The following HMBOX1 variants were observed in gnomAD, a reference collection of about 807,000 sequenced individuals.
HMBOX1 encodes the protein homeobox containing 1, also known as homeobox-containing protein 1.
A neutral mutation model predicts 54.5 loss-of-function variants in HMBOX1; 14 were observed. The ratio of observed to expected loss-of-function variants is 0.26; its 90% CI spans 0.17 to 0.40. HMBOX1 has a LOEUF of 0.40. Among genes scored for constraint, HMBOX1 ranks in the 10% least tolerant of loss-of-function variants. The pLI, the probability that HMBOX1 is intolerant of heterozygous loss-of-function variation, is 1.00. For missense variants in HMBOX1, 332 were observed against 514.4 expected (o/e 0.65, Z 3.43); for synonymous variants, 160 against 181.0 (o/e 0.88, Z 0.93).
intron 6 of HMBOX1, among the ~76,000 whole-genome samples, chr8:29,032,447 G>GA (rs797012206): frequency 2.5e-4 from 36 of 142,486 alleles, no homozygotes; most frequent in South Asian, 6.5e-4. Flanking sequence ...TTTTCAATTA[G>GA]AAAAAAAAAA....
At chr8:29,047,291 C>A in intron 7 of HMBOX1, 67 bp from the exon 8 acceptor site, 1 of 894,186 alleles carries the variant, frequency 1.1e-6, no homozygotes. Context: ...AAATATTAGC[C>A]CTTAAAACTA....
chr8:28,938,802 C>T (rs771546560), intron 1 of HMBOX1, among the ~76,000 whole-genome samples: 16 of 151,656 alleles, frequency 1.1e-4, no homozygotes, highest in Admixed American at 6.6e-5. Context: ...CTTTTTCTAT[C>T]TGTGGAAATT....
intron 4 of HMBOX1, among the ~76,000 whole-genome samples, chr8:28,994,878 A>C (rs2132647215): frequency 6.6e-6 from 1 of 152,348 alleles, no homozygotes; most frequent in African/African-American, 2.4e-5. Flanking sequence ...TAGAATATTA[A>C]ATAAGAACAA....
At chr8:28,923,906 A>G (rs142623612) in intron 1 of HMBOX1, among the ~76,000 whole-genome samples, 36 of 152,050 alleles carry the variant, frequency 2.4e-4, no homozygotes, top group African/African-American at 8.7e-4. Flanking sequence ...TCATTTATAT[A>G]TCTTCTTTGG....
intron 6 of HMBOX1, among the ~76,000 whole-genome samples, chr8:29,019,306 A>G (rs1217963641): frequency 6.6e-6 from 1 of 152,164 alleles, no homozygotes; most frequent in Non-Finnish European, 1.5e-5. Context: ...GTATGGTCTA[A>G]GTAAGCTTTG....
chr8:29,023,372 A>G (rs1334678485), intron 6 of HMBOX1, among the ~76,000 whole-genome samples: 1 of 152,148 alleles, frequency 6.6e-6, no homozygotes, highest in African/African-American at 2.4e-5. Context: ...TTATGCAACC[A>G]TAACCTCAGT....
intron 6 of HMBOX1, among the ~76,000 whole-genome samples, chr8:29,021,859 C>CAAA (rs36163977): frequency 2.4e-4 from 25 of 103,030 alleles, no homozygotes; most frequent in African/African-American, 6.6e-4. Context: ...GACTCCGTCT[C>CAAA]AAAAAAAAAA....
At chr8:28,919,163 C>A (rs764111717) in intron 1 of HMBOX1, among the ~76,000 whole-genome samples, 3 of 152,056 alleles carry the variant, frequency 2.0e-5, no homozygotes, top group Non-Finnish European at 4.4e-5. Context: ...TTGACTGTGC[C>A]TTTGTTTGTG....
At position 29,011,064 on chromosome 8, in the gene HMBOX1, G is replaced by A. The variant is rs1471472356; in HGVS notation, c.697+1882G>A. 2.6e-5 allele frequency among the ~76,000 whole-genome samples: 4 copies of A among 152,290 alleles called. No homozygotes were observed. In the South Asian group the frequency reaches 6.2e-4, roughly 24 times the overall value. ...CTTCATAGATTATTTAGGGAGGCAC[G>A]TACTAATGGCAGCAATTTATTTTGA... On this transcript the variant is annotated intron_variant, in intron 5 of 9. Transcript: ENST00000287701.
chr8:28,994,701 A>G lies in HMBOX1; in HGVS notation c.587-14371A>G, dbSNP rs192605977. 2.5e-3 allele frequency among the ~76,000 whole-genome samples: 374 copies of G among 152,328 alleles called. 1 individual carries two copies. The highest frequency in any genetic ancestry group is 7.5e-3 in the African/African-American group (310 of 41,578). On this transcript the variant is annotated intron_variant, in intron 4 of 9. Coordinates refer to ENST00000287701, the MANE Select transcript of HMBOX1 (RefSeq NM_001135726.3). ...CACATTGACAGGTATTTGTAGCATTATAGAGCAAAAGATTGGTATCTATGA... is the reference window on the plus strand; with the variant it reads ...CACATTGACAGGTATTTGTAGCATTGTAGAGCAAAAGATTGGTATCTATGA...
intron 5 of HMBOX1, among the ~76,000 whole-genome samples, chr8:29,013,488 T>A (rs970319652): frequency 6.6e-6 from 1 of 152,164 alleles, no homozygotes; most frequent in African/African-American, 2.4e-5. Flanking sequence ...TGGCTTTTGG[T>A]TTTTTGTAAG....
chr8:28,966,355 T>TA (rs1826439724), intron 2 of HMBOX1, among the ~76,000 whole-genome samples: 1 of 152,240 alleles, frequency 6.6e-6, no homozygotes, highest in African/African-American at 2.4e-5. Flanking sequence ...TGTCTGTTAT[T>TA]ACAGTGGTGA....
chr8:28,915,574 A>AAG (rs1274616411), intron 1 of HMBOX1: 7 of 149,334 alleles, frequency 4.7e-5, no homozygotes, highest in African/African-American at 1.7e-4. Context: ...AAAAAAAAAA[A>AAG]AAAAAGAGAC....
intron 4 of HMBOX1, among the ~76,000 whole-genome samples, chr8:28,998,943 T>C (rs1297315216): frequency 6.6e-6 from 1 of 152,154 alleles, no homozygotes; most frequent in Non-Finnish European, 1.5e-5. Flanking sequence ...TACATTTATA[T>C]ATTGTGTGCC....
At chr8:29,036,543 T>A (rs538444883) in intron 6 of HMBOX1, among the ~76,000 whole-genome samples, 1 of 152,208 alleles carries the variant, frequency 6.6e-6, no homozygotes, top group Non-Finnish European at 1.5e-5. Flanking sequence ...TAGATTTCCT[T>A]TCCCAAAGAG....
intron 3 of HMBOX1, 49 bp from the exon 4 acceptor site, chr8:28,980,022 A>G: frequency 7.4e-7 from 1 of 1,354,192 alleles, no homozygotes; most frequent in East Asian, 2.3e-5. Context: ...AAAGATGAGG[A>G]TTTCTACCTT....
At chr8:28,893,288 T>C (rs1258845508) in intron 1 of HMBOX1, among the ~76,000 whole-genome samples, 2 of 152,196 alleles carry the variant, frequency 1.3e-5, no homozygotes, top group Non-Finnish European at 2.9e-5. Context: ...ATTCTCAGCA[T>C]GTGAGAGTCA....
At chr8:28,908,079 C>T (rs1358111770) in intron 1 of HMBOX1, among the ~76,000 whole-genome samples, 1 of 152,154 alleles carries the variant, frequency 6.6e-6, no homozygotes, top group South Asian at 2.1e-4. Context: ...TTTCAAACTC[C>T]TGGCCTCAAG....
intron 6 of HMBOX1, among the ~76,000 whole-genome samples, chr8:29,019,155 T>G (rs1012253559): frequency 5.9e-5 from 9 of 152,226 alleles, no homozygotes; most frequent in African/African-American, 2.2e-4. Flanking sequence ...CCCAGTAATT[T>G]AAGAAATGTT....
Sources: gnomAD v4.1 joint callset for allele counts (sites outside exome capture counted in the v4.1 genomes callset) on GRCh38, gnomAD v4.1.1 for gene constraint, MANE v1.5 for transcripts, NCBI Gene and HGNC (gene_info 2026-07-23, HGNC 2026-07-21) for gene names.